Variants in CTNNA3 observed in about 807,000 individuals in gnomAD.
CTNNA3 encodes the protein catenin alpha 3.
Under a neutral mutation model 95.7 loss-of-function variants are expected in CTNNA3, and 76 were observed. The ratio of observed to expected loss-of-function variants is 0.79; its 90% CI spans 0.66 to 0.96. The LOEUF (loss-of-function observed/expected upper bound fraction) is 0.96, where lower values mean the gene tolerates loss of function less well. Among genes scored for constraint, CTNNA3 ranks in the 40% least tolerant of loss-of-function variants. The pLI, the probability that CTNNA3 is intolerant of heterozygous loss-of-function variation, is 0.00. For synonymous variants in CTNNA3, 431 were observed against 374.4 expected (o/e 1.15, Z -1.74); for missense variants, 1,191 against 1,089.8 (o/e 1.09, Z -1.31).
At chr10:66,724,260 T>C (rs544842075) in intron 9 of CTNNA3, among the ~76,000 whole-genome samples, 9 of 152,350 alleles carry the variant, frequency 5.9e-5, no homozygotes, top group African/African-American at 2.2e-4. Context: ...TTTTAATCAA[T>C]TGATACTTGT....
intron 2 of CTNNA3, among the ~76,000 whole-genome samples, chr10:67,646,248 C>T (rs1489126680): frequency 1.3e-5 from 2 of 149,264 alleles, no homozygotes; most frequent in South Asian, 2.1e-4. Flanking sequence ...AACTCCTGGA[C>T]TTAAGCGATC....
intron 10 of CTNNA3, among the ~76,000 whole-genome samples, chr10:66,587,487 C>A (rs192220442): frequency 1.3e-5 from 2 of 152,168 alleles, no homozygotes; most frequent in African/African-American, 4.8e-5. Context: ...GCTACCAGGG[C>A]AGGTGGAGGG....
intron 15 of CTNNA3, among the ~76,000 whole-genome samples, chr10:66,003,922 T>G (rs1443693955): frequency 6.6e-6 from 1 of 152,210 alleles, no homozygotes; most frequent in Non-Finnish European, 1.5e-5. Context: ...GACATGCCCA[T>G]AATTGCGCAC....
chr10:66,542,938 TA>T, intron 10 of CTNNA3, among the ~76,000 whole-genome samples: 1 of 152,216 alleles, frequency 6.6e-6, no homozygotes, highest in South Asian at 2.1e-4. Flanking sequence ...TTGCAGACTT[TA>T]AAATAGAAAT....
intron 11 of CTNNA3, among the ~76,000 whole-genome samples, chr10:66,386,033 A>C (rs1292725260): frequency 2.0e-5 from 3 of 152,230 alleles, no homozygotes; most frequent in Non-Finnish European, 4.4e-5. Flanking sequence ...GGAAACTGGC[A>C]CAAGACAAGG....
At chr10:67,695,212 A>G (rs1301632954) in intron 1 of CTNNA3, among the ~76,000 whole-genome samples, 2 of 152,234 alleles carry the variant, frequency 1.3e-5, no homozygotes, top group East Asian at 1.9e-4. Context: ...TTCTCACGTT[A>G]TCTCCAGAGA....
At chr10:66,042,912 A>AAAAAAAAAAAAAAG in intron 15 of CTNNA3, among the ~76,000 whole-genome samples, 1 of 141,922 alleles carries the variant, frequency 7.0e-6, no homozygotes, top group Non-Finnish European at 1.5e-5. Flanking sequence ...AAAAAAAAAA[A>AAAAAAAAAAAAAAG]AAAAAAAAAA....
chr10:66,467,035 G>A (rs776935734), intron 11 of CTNNA3, among the ~76,000 whole-genome samples: 18 of 152,084 alleles, frequency 1.2e-4, no homozygotes, highest in Non-Finnish European at 1.3e-4. Flanking sequence ...CACACAGTAG[G>A]CATGCAATAG....
At chr10:67,302,089 AAGAAAG>A (rs1484865675) in intron 5 of CTNNA3, among the ~76,000 whole-genome samples, 33 of 140,864 alleles carry the variant, frequency 2.3e-4, no homozygotes, top group African/African-American at 7.7e-4. Flanking sequence ...GAAAGAAAGA[AAGAAAG>A]AAAATCCTTT....
At chr10:66,907,198 C>T (rs1173948569) in intron 7 of CTNNA3, among the ~76,000 whole-genome samples, 1 of 152,072 alleles carries the variant, frequency 6.6e-6, no homozygotes, top group Non-Finnish European at 1.5e-5. Flanking sequence ...ATAAACTGTG[C>T]ACATTTCTTA....
At chr10:67,726,978 C>CGATACATATATAATTATATATAATATAT (rs1841234933) in intron 1 of CTNNA3, among the ~76,000 whole-genome samples, 2 of 101,480 alleles carry the variant, frequency 2.0e-5, no homozygotes, top group Admixed American at 1.4e-4. Flanking sequence ...ATATAATATA[C>CGATACATATATAATTATATATAATATAT]GATACATATA....
At chr10:66,728,616 G>T (rs937051956) in intron 9 of CTNNA3, among the ~76,000 whole-genome samples, 1 of 151,992 alleles carries the variant, frequency 6.6e-6, no homozygotes, top group Admixed American at 6.6e-5. Flanking sequence ...TTTTGGCAGA[G>T]TCTCACTCCG....
chr10:67,739,363 A>T (rs540427847), intron 1 of CTNNA3, among the ~76,000 whole-genome samples: 1 of 152,140 alleles, frequency 6.6e-6, no homozygotes, highest in African/African-American at 2.4e-5. Context: ...GAGGAAGTTA[A>T]ATTGTCCCTG....
At chr10:67,711,955 C>T (rs949211225) in intron 1 of CTNNA3, among the ~76,000 whole-genome samples, 4 of 152,052 alleles carry the variant, frequency 2.6e-5, no homozygotes, top group Non-Finnish European at 5.9e-5. Context: ...ACTAGTTCAA[C>T]CATTGTGGAA....
chr10:67,245,921 C>G (rs865824389), intron 5 of CTNNA3, among the ~76,000 whole-genome samples: 43 of 150,568 alleles, frequency 2.9e-4, no homozygotes, highest in Middle Eastern at 3.5e-3. Flanking sequence ...AAAGGGCATA[C>G]AAATAGCATA....
chr10:66,568,871 C>G (rs906636761), intron 10 of CTNNA3, among the ~76,000 whole-genome samples: 1 of 151,872 alleles, frequency 6.6e-6, no homozygotes, highest in East Asian at 1.9e-4. Flanking sequence ...ACCTGGGAAG[C>G]GAAGTCTGCC....
chr10:67,110,724 G>A (rs1323001425), intron 7 of CTNNA3, among the ~76,000 whole-genome samples: 2 of 151,936 alleles, frequency 1.3e-5, no homozygotes, highest in African/African-American at 4.8e-5. Context: ...AAGAAGACAG[G>A]CCATATTTTA....
intron 7 of CTNNA3, among the ~76,000 whole-genome samples, chr10:66,846,848 G>C (rs1477692442): frequency 6.6e-6 from 1 of 152,094 alleles, no homozygotes; most frequent in Admixed American, 6.6e-5. Flanking sequence ...CCAGGGAGTG[G>C]CTTTGTTGTA....
At chr10:66,157,073 G>T (rs1199533668) in intron 13 of CTNNA3, among the ~76,000 whole-genome samples, 3 of 151,736 alleles carry the variant, frequency 2.0e-5, no homozygotes, top group Non-Finnish European at 2.9e-5. Flanking sequence ...AGTTATTGGG[G>T]TACAAGTGGT....
Sources: gnomAD v4.1 joint callset for allele counts (sites outside exome capture counted in the v4.1 genomes callset) on GRCh38, gnomAD v4.1.1 for gene constraint, MANE v1.5 for transcripts, NCBI Gene and HGNC (gene_info 2026-07-23, HGNC 2026-07-21) for gene names.